The following LRIT3 variants were observed in gnomAD, a reference collection of about 807,000 sequenced individuals.
LRIT3 encodes leucine rich repeat, Ig-like and transmembrane domains 3.
LRIT3 carries 14 observed loss-of-function variants against 22.6 expected under a neutral mutation model. The ratio of observed to expected loss-of-function variants is 0.62; its 90% CI spans 0.41 to 0.97. The LOEUF is 0.97. Ranked by LOEUF, LRIT3 falls within the 50% of genes least tolerant of loss-of-function variation. The pLI, the probability that LRIT3 is intolerant of heterozygous loss-of-function variation, is 0.00. For synonymous variants in LRIT3, 306 were observed against 304.5 expected (o/e 1.01, Z -0.05); for missense variants, 783 against 803.0 (o/e 0.98, Z 0.30).
At chr4:109,858,798 A>G (rs1388126694) in intron 2 of LRIT3, among the ~76,000 whole-genome samples, 2 of 152,162 alleles carry the variant, frequency 1.3e-5, no homozygotes, top group Non-Finnish European at 2.9e-5. Flanking sequence ...ACTTCTTTCT[A>G]CAATAGCTTG....
chr4:109,870,675 C>G lies in LRIT3; in HGVS notation c.1926C>G (p.Leu642=). Residue 642 remains leucine (L), a synonymous_variant, in exon 4 of 4, where the codon CTC becomes CTG. Transcript: ENST00000594814. ...LFPRSQSVGE[L]WTRSHRDDSE... ...CCAGGTCTCAAAGTGTAGGTGAGCT[C>G]TGGACACGAAGCCACAGGGATGACT... is the stretch of plus-strand genomic sequence containing the variant. 1 of 1,614,076 alleles carries G rather than the reference C, an allele frequency of 6.2e-7. No individual in the cohort carries two copies. Among genetic ancestry groups the G allele is most frequent in the South Asian group, 1.1e-5 (1 of 91,070 alleles).
intron 1 of LRIT3, among the ~76,000 whole-genome samples, chr4:109,850,414 C>CT (rs1560588921): frequency 2.6e-4 from 3 of 11,760 alleles, no homozygotes; most frequent in Admixed American, 2.4e-3. Flanking sequence ...TTCCTTCCTT[C>CT]CTTCCTTCCT....
At chr4:109,850,419 CTTCCTTTCTTTCTTTCTTTCTTTCTTTCT>C (rs1560588969) in intron 1 of LRIT3, among the ~76,000 whole-genome samples, 168 of 16,670 alleles carry the variant, frequency 0.01, 5 homozygotes, top group African/African-American at 0.039. Context: ...TCCTTCCTTC[CTTCCTTTCTTTCTTTCTTTCTTTCTTTCT>C]TTCTTTCTTT....
chr4:109,849,129 A>G (rs901004943), intron 1 of LRIT3, among the ~76,000 whole-genome samples: 5 of 152,214 alleles, frequency 3.3e-5, no homozygotes, highest in African/African-American at 1.2e-4. Flanking sequence ...GAGTTGCCCA[A>G]TTTATGTCTT....
intron 2 of LRIT3, chr4:109,864,986 A>G (rs925970275): frequency 9.6e-7 from 1 of 1,037,290 alleles, no homozygotes. Flanking sequence ...CAATCAATAG[A>G]GATAAAAATG....
chr4:109,862,523 AT>A (rs1448128936), intron 2 of LRIT3, among the ~76,000 whole-genome samples: 1 of 152,230 alleles, frequency 6.6e-6, no homozygotes, highest in African/African-American at 2.4e-5. Flanking sequence ...GGATTTAAAA[AT>A]ATTTACATAA....
intron 3 of LRIT3, among the ~76,000 whole-genome samples, chr4:109,868,551 TAA>T (rs11387409): frequency 0.53 from 64,648 of 122,196 alleles, 18,150 homozygotes; most frequent in Non-Finnish European, 0.65. Context: ...AAGACTGTCT[TAA>T]AAAAAAAAAA....
At chr4:109,855,957 G>A (rs1734391000) in intron 2 of LRIT3, among the ~76,000 whole-genome samples, 1 of 152,104 alleles carries the variant, frequency 6.6e-6, no homozygotes, top group Non-Finnish European at 1.5e-5. Flanking sequence ...GGCAAGATGA[G>A]GGCGTTTATA....
chr4:109,851,468 G>C (rs1734264538), intron 1 of LRIT3, 36 bp from the exon 2 acceptor site: 36 of 1,476,868 alleles, frequency 2.4e-5, no homozygotes, highest in Non-Finnish European at 3.0e-5. Flanking sequence ...GTGTTGGAAA[G>C]TGAGTTTCCT....
intron 2 of LRIT3, 33 bp downstream of exon 2, chr4:109,852,009 T>C: frequency 6.7e-7 from 1 of 1,484,052 alleles, no homozygotes; most frequent in Non-Finnish European, 8.9e-7. Context: ...TTTTCATCTA[T>C]AGTTACTTTG....
chr4:109,860,896 A>G (rs1006515167), intron 2 of LRIT3, among the ~76,000 whole-genome samples: 1 of 152,256 alleles, frequency 6.6e-6, no homozygotes, highest in Admixed American at 6.5e-5. Flanking sequence ...AATTGTATTC[A>G]ATTGTATGAA....
intron 2 of LRIT3, among the ~76,000 whole-genome samples, chr4:109,856,360 T>C (rs1394515519): frequency 6.6e-6 from 1 of 152,184 alleles, no homozygotes; most frequent in Non-Finnish European, 1.5e-5. Context: ...AATAATATTT[T>C]TTCCAATTTT....
chr4:109,861,881 TA>T (rs1734557024), intron 2 of LRIT3, among the ~76,000 whole-genome samples: 1 of 152,232 alleles, frequency 6.6e-6, no homozygotes. Context: ...ACAGATATGA[TA>T]TTTTCTTATA....
At chr4:109,865,692 T>G (rs1734659815) in intron 2 of LRIT3, among the ~76,000 whole-genome samples, 1 of 152,202 alleles carries the variant, frequency 6.6e-6, no homozygotes, top group Non-Finnish European at 1.5e-5. Context: ...TCACTATGAA[T>G]AAACCATTGT....
chr4:109,850,633 C>T (rs1456829010), intron 1 of LRIT3, among the ~76,000 whole-genome samples: 1 of 151,294 alleles, frequency 6.6e-6, no homozygotes, highest in African/African-American at 2.4e-5. Context: ...CCTACCACCG[C>T]GCCTGGCTAA....
intron 1 of LRIT3, among the ~76,000 whole-genome samples, chr4:109,848,888 G>T (rs1006828308): frequency 3.0e-4 from 46 of 152,216 alleles, no homozygotes; most frequent in African/African-American, 1.1e-3. Context: ...GGATCTCACA[G>T]AAGTTATTCA....
At chr4:109,858,452 G>T (rs1219479735) in intron 2 of LRIT3, among the ~76,000 whole-genome samples, 1 of 152,036 alleles carries the variant, frequency 6.6e-6, no homozygotes, top group African/African-American at 2.4e-5. Flanking sequence ...CTGTCTCGTT[G>T]TTGCATGCAT....
intron 2 of LRIT3, among the ~76,000 whole-genome samples, chr4:109,857,978 G>T (rs917285780): frequency 6.6e-6 from 1 of 152,198 alleles, no homozygotes; most frequent in Non-Finnish European, 1.5e-5. Flanking sequence ...TGACCAGATG[G>T]TAGTGTGACC....
intron 1 of LRIT3, among the ~76,000 whole-genome samples, chr4:109,849,706 G>A (rs952272056): frequency 2.6e-5 from 4 of 152,112 alleles, no homozygotes; most frequent in African/African-American, 7.2e-5. Context: ...TCCATCTCCC[G>A]GGCTCAAGCA....
Sources: gnomAD v4.1 joint callset for allele counts (sites outside exome capture counted in the v4.1 genomes callset) on GRCh38, gnomAD v4.1.1 for gene constraint, MANE v1.5 for transcripts, NCBI Gene and HGNC (gene_info 2026-07-23, HGNC 2026-07-21) for gene names.